Variants in SP140 observed in about 807,000 individuals in gnomAD.
SP140 encodes nuclear body protein SP140.
Under a neutral mutation model 125.0 loss-of-function variants are expected in SP140, and 81 were observed. The observed-to-expected ratio is 0.65, with a 90% CI of 0.54 to 0.78. SP140 has a LOEUF of 0.78. Ranked by LOEUF, SP140 falls within the 30% of genes least tolerant of loss-of-function variation. The pLI, the probability that SP140 is intolerant of heterozygous loss-of-function variation, is 0.00. For synonymous variants in SP140, 312 were observed against 354.0 expected, an observed-to-expected ratio of 0.88 and a Z score of 1.33; for missense variants, 858 against 1,037.0, an observed-to-expected ratio of 0.83 and a Z score of 2.37.
rs538528245 is a variant in SP140, at chr2:230,239,303, G to A, written c.406+922G>A. Among the ~76,000 whole-genome samples, 47 of 152,264 alleles carry A rather than the reference G, an allele frequency of 3.1e-4. No individual in the cohort carries two copies. The South Asian group carries it at 4.1e-3, about 13-fold the overall frequency. On this transcript the variant is annotated intron_variant, in intron 3 of 26. Transcript: ENST00000392045. Reference sequence around the variant, plus strand: ...GCTTAAGTCCCTTATATAAAATGGCGTAGTATTTGTGTATAACCTATGCAC... The same window carrying A: ...GCTTAAGTCCCTTATATAAAATGGCATAGTATTTGTGTATAACCTATGCAC...
At chr2:230,188,589 T>A in the SP140 span, among the ~76,000 whole-genome samples, 4,219 of 152,222 alleles carry the variant, frequency 0.028, 198 homozygotes, top group African/African-American at 0.096. Context: ...ATGCATTAGA[T>A]TTTTTCCCAT....
chr2:230,257,153 A>G (rs1209589971), intron 12 of SP140, among the ~76,000 whole-genome samples: 1 of 152,112 alleles, frequency 6.6e-6, no homozygotes, highest in African/African-American at 2.4e-5. Context: ...AAGGGTTTTT[A>G]GGAATCCAAG....
intron 3 of SP140, among the ~76,000 whole-genome samples, chr2:230,240,454 C>T (rs1559232398): frequency 6.6e-6 from 1 of 152,098 alleles, no homozygotes; most frequent in Non-Finnish European, 1.5e-5. Flanking sequence ...TGAAGAACTC[C>T]TATAAATGAA....
chr2:230,309,179 T>C (rs2059097872), intron 22 of SP140, among the ~76,000 whole-genome samples: 1 of 152,240 alleles, frequency 6.6e-6, no homozygotes, highest in South Asian at 2.1e-4. Context: ...GCACCAGCTC[T>C]TTTATGGGCC....
rs2050306866 is a variant in SP140, at chr2:230,251,206, A to G, written c.1057+145A>G. 5.8e-6 allele frequency: 4 copies of G among 688,222 alleles called. 1 individual carries two copies. The East Asian group carries it at 1.1e-4, about 19-fold the overall frequency. The allele number at this position is 688,222 out of a possible 1,614,324, so 42.6% of individuals were successfully genotyped here. On this transcript the variant is annotated intron_variant, in intron 10 of 26. Coordinates refer to ENST00000392045, the MANE Select transcript of SP140 (RefSeq NM_007237.5). ...ATCTGAGATTTTTCACATTTTCTAT[A>G]CATGGATATTTGAGAAATGCAGGGA...
chr2:230,215,175 T>C, intron 3 of SP140: 4 of 1,384,684 alleles, frequency 2.9e-6, no homozygotes, highest in East Asian at 4.6e-5. Context: ...TGGGAAGTTA[T>C]ACATTTATGG....
chr2:230,238,589 A>C, intron 3 of SP140: 1 of 744,098 alleles, frequency 1.3e-6, no homozygotes. Context: ...TAACCAAGTA[A>C]TCCTGCAAAT....
At chr2:230,259,959 G>C (rs62191189) in intron 12 of SP140, among the ~76,000 whole-genome samples, 18,057 of 151,956 alleles carry the variant, frequency 0.12, 1,161 homozygotes, top group Admixed American at 0.13. Context: ...TAGATACCCA[G>C]TAGTGGGATT....
intron 3 of SP140, among the ~76,000 whole-genome samples, chr2:230,218,338 GA>G (rs1157155039): frequency 6.6e-6 from 1 of 151,914 alleles, no homozygotes; most frequent in Non-Finnish European, 1.5e-5. Context: ...TAACTTGGCA[GA>G]AAAAAATACT....
the SP140 span, among the ~76,000 whole-genome samples, chr2:230,197,295 G>A: frequency 0.077 from 11,643 of 150,330 alleles, 570 homozygotes; most frequent in South Asian, 0.23. Context: ...GATGGCCAGT[G>A]ATGATGAGCA....
chr2:230,250,911 C>T, intron 9 of SP140, 70 bp from the exon 10 acceptor site: 2 of 1,567,328 alleles, frequency 1.3e-6, no homozygotes, highest in Non-Finnish European at 1.8e-6. Context: ...CTAGGAGATA[C>T]TTCAGCTTCC....
intron 26 of SP140, among the ~76,000 whole-genome samples, chr2:230,311,820 C>G (rs924756211): frequency 2.6e-5 from 4 of 152,214 alleles, no homozygotes; most frequent in Admixed American, 1.3e-4. Context: ...AGAGCTCCTC[C>G]CCCACCTGCC....
chr2:230,186,560 G>C, the SP140 span, among the ~76,000 whole-genome samples: 1 of 152,098 alleles, frequency 6.6e-6, no homozygotes, highest in Non-Finnish European at 1.5e-5. Context: ...TGGTTACATG[G>C]ATGAATTATA....
chr2:230,202,689 T>C (rs1317519602), upstream of SP140: 5 of 1,613,996 alleles, frequency 3.1e-6, no homozygotes, highest in Admixed American at 1.7e-5. Flanking sequence ...ATCCACCCTT[T>C]TGAGCTTCTT....
chr2:230,199,908 C>A (rs1201363594), upstream of SP140, among the ~76,000 whole-genome samples: 1 of 152,140 alleles, frequency 6.6e-6, no homozygotes, highest in Non-Finnish European at 1.5e-5. Context: ...TTCCTGGGGA[C>A]CAGGTTGTTA....
intron 5 of SP140, 97 bp downstream of exon 5, chr2:230,243,908 C>A: frequency 1.2e-6 from 1 of 807,132 alleles, no homozygotes; most frequent in Non-Finnish European, 2.1e-6. Context: ...TGAGTACATG[C>A]CACAGGCAAA....
chr2:230,298,653 G>A (rs1312666067), intron 22 of SP140, among the ~76,000 whole-genome samples: 1 of 152,162 alleles, frequency 6.6e-6, no homozygotes, highest in East Asian at 1.9e-4. Context: ...TAACAACATT[G>A]ACTTATAATA....
the SP140 span, among the ~76,000 whole-genome samples, chr2:230,196,485 AGTG>A: frequency 1.3e-5 from 2 of 152,102 alleles, no homozygotes; most frequent in African/African-American, 4.8e-5. Flanking sequence ...ACAAAAATAA[AGTG>A]GGGGAAGCAG....
intron 3 of SP140, among the ~76,000 whole-genome samples, chr2:230,215,578 G>T (rs2045057063): frequency 6.6e-6 from 1 of 152,230 alleles, no homozygotes; most frequent in African/African-American, 2.4e-5. Flanking sequence ...AGATAAGCCT[G>T]AATGGATTCC....
Sources: gnomAD v4.1 joint callset for allele counts (sites outside exome capture counted in the v4.1 genomes callset) on GRCh38, gnomAD v4.1.1 for gene constraint, MANE v1.5 for transcripts, NCBI Gene and HGNC (gene_info 2026-07-23, HGNC 2026-07-21) for gene names.